ZP3: variants seen among roughly 807,000 people sequenced by gnomAD.
ZP3 encodes the protein zona pellucida sperm-binding protein 3.
In ZP3, 21 loss-of-function variants were observed where a neutral mutation model predicts 35.6. That is an observed-to-expected ratio of 0.59 (90% CI 0.42 to 0.85). The LOEUF is 0.85. ZP3 is among the 40% of genes least tolerant of loss of function. ZP3 has a pLI of 0.00. For synonymous variants in ZP3, 207 were observed against 214.5 expected (o/e 0.96, Z 0.31); for missense variants, 437 against 536.5 (o/e 0.81, Z 1.83).
chr7:76,412,208 G>C (rs529699178), intron 1 of ZP3, among the ~76,000 whole-genome samples: 1 of 148,774 alleles, frequency 6.7e-6, no homozygotes, highest in African/African-American at 2.5e-5. Context: ...AAAAAGAAAA[G>C]AAAAAGATAA....
intron 1 of ZP3, chr7:76,409,844 C>T (rs1467249004): frequency 1.3e-5 from 2 of 151,866 alleles, no homozygotes; most frequent in Admixed American, 6.6e-5. Context: ...GCAGGGCAGC[C>T]AAGCATCCTG....
chr7:76,400,743 A>C, intron 1 of ZP3: 2 of 1,054,380 alleles, frequency 1.9e-6, no homozygotes, highest in Non-Finnish European at 2.6e-6. Flanking sequence ...CCTGGGCTCA[A>C]GTGATCCTCC....
At position 76,424,976 on chromosome 7, in the gene ZP3, C is replaced by CTA. The variant is rs1442112758; in HGVS notation, c.15_16dup (p.Arg6IlefsTer47). On this transcript the variant is annotated frameshift_variant, in exon 1 of 8. Coordinates refer to ENST00000394857, the MANE Select transcript of ZP3 (RefSeq NM_001110354.2). LOFTEE classifies it high-confidence loss of function. Reference sequence around the variant, plus strand: ...GCTCTGCAGGTACCATGGAGCTGAGCTATAGGCTCTTCATCTGCCTCCTGC... The same window carrying CTA: ...GCTCTGCAGGTACCATGGAGCTGAGCTATATAGGCTCTTCATCTGCCTCCTGC... The CTA allele has an allele frequency of 6.5e-7, 1 of 1,541,656 alleles. No individual in the cohort carries two copies. The highest frequency in any genetic ancestry group is 2.0e-5 in the Admixed American group (1 of 50,980).
At chr7:76,422,277 G>A (rs754875639), upstream of ZP3, among the ~76,000 whole-genome samples, 21 of 151,912 alleles carry the variant, frequency 1.4e-4, no homozygotes, top group Admixed American at 3.9e-4. Flanking sequence ...GTTCTGCCCC[G>A]CCCACCTCCC....
chr7:76,433,393 G>T, intron 3 of ZP3, 77 bp from the exon 4 acceptor site: 1 of 1,500,888 alleles, frequency 6.7e-7, no homozygotes, highest in South Asian at 1.3e-5. Context: ...GACCTCAGGT[G>T]ATCCACCTGC....
intron 1 of ZP3, among the ~76,000 whole-genome samples, chr7:76,428,166 A>T (rs1481252963): frequency 7.5e-6 from 1 of 133,494 alleles, no homozygotes; most frequent in Non-Finnish European, 1.6e-5. Context: ...TCTCTATTTA[A>T]AAAAAAAAAA....
At chr7:76,417,535 C>G (rs965779963) in intron 1 of ZP3, among the ~76,000 whole-genome samples, 2 of 152,058 alleles carry the variant, frequency 1.3e-5, no homozygotes, top group African/African-American at 4.8e-5. Flanking sequence ...TGTGATTCCT[C>G]TTATTTTCCA....
intron 2 of ZP3, among the ~76,000 whole-genome samples, chr7:76,431,217 G>C (rs750394671): frequency 6.6e-6 from 1 of 152,196 alleles, no homozygotes; most frequent in African/African-American, 2.4e-5. Context: ...GTGCCTATGT[G>C]GGTAGGGGAG....
In ZP3 at chr7:76,432,939, G is replaced by A; in HGVS notation, c.444G>A (p.Val148=). 1 of 1,614,018 alleles carries A rather than the reference G, an allele frequency of 6.2e-7. No individual in the cohort carries two copies. The highest frequency in any genetic ancestry group is 8.5e-7 in the Non-Finnish European group (1 of 1,179,996). ...IECRYPRQGN[V]SSQAILPTWL... is the part of the protein sequence containing the mutation. ...GTTCTTCTCTCAGGCAGGGCAATGT[G>A]AGCAGCCAGGCCATCCTGCCCACCT... is the stretch of plus-strand genomic sequence containing the variant. The change falls in exon 3 of 8, where the codon GTG becomes GTA. Residue 148 remains valine (V), a synonymous_variant. Transcript: ENST00000394857.
chr7:76,419,769 CCCTCCTCCTCCT>C (rs1193213971), intron 1 of ZP3, among the ~76,000 whole-genome samples: 14 of 142,540 alleles, frequency 9.8e-5, no homozygotes, highest in Non-Finnish European at 4.6e-5. Context: ...TTTCCCCCTC[CCCTCCTCCTCCT>C]CCTCCTCCTC....
chr7:76,400,787 C>T (rs1804797094), intron 1 of ZP3, among the ~76,000 whole-genome samples: 1 of 152,196 alleles, frequency 6.6e-6, no homozygotes, highest in Admixed American at 6.5e-5. Context: ...GGATCACAGA[C>T]GTGCACTACG....
exon 1 of ZP3, chr7:76,397,745 C>T (rs1351137335): frequency 2.5e-6 from 4 of 1,613,254 alleles, no homozygotes; most frequent in Non-Finnish European, 3.4e-6. Flanking sequence ...GTCGTCGTCA[C>T]ACACGGTGCC....
chr7:76,439,882 C>A, intron 5 of ZP3: 2 of 233,806 alleles, frequency 8.6e-6, no homozygotes, highest in Non-Finnish European at 1.7e-5. Flanking sequence ...CAGTCTCACT[C>A]TGTCAGCCAG....
chr7:76,411,013 A>AAAAAAAG (rs1554623386), intron 1 of ZP3, among the ~76,000 whole-genome samples: 5,283 of 130,270 alleles, frequency 0.041, 212 homozygotes, highest in African/African-American at 0.088. Flanking sequence ...AAAAAAAAAA[A>AAAAAAAG]AAAAGAAAAG....
At chr7:76,420,002 A>G (rs1304466592), upstream of ZP3, among the ~76,000 whole-genome samples, 1 of 151,448 alleles carries the variant, frequency 6.6e-6, no homozygotes, top group Non-Finnish European at 1.5e-5. Flanking sequence ...GGGTTTCTCC[A>G]TGTTGGCCAG....
intron 2 of ZP3, among the ~76,000 whole-genome samples, chr7:76,432,587 A>AT (rs929366696): frequency 6.6e-4 from 101 of 152,188 alleles, no homozygotes; most frequent in African/African-American, 2.2e-3. Context: ...AAGTGCTGGG[A>AT]TTACAGGCAT....
chr7:76,414,651 C>T (rs1294788865), intron 1 of ZP3, among the ~76,000 whole-genome samples: 1 of 143,850 alleles, frequency 7.0e-6, no homozygotes, highest in Non-Finnish European at 1.5e-5. Flanking sequence ...ACAGACTCTG[C>T]TTCTACCCCT....
At position 76,416,560 on chromosome 7, in the gene ZP3, A is replaced by C. The variant is rs1347638721; in HGVS notation, c.-66-8492A>C. Among the ~76,000 whole-genome samples, 6 of 151,836 alleles carry C rather than the reference A, an allele frequency of 4.0e-5. No homozygotes were observed. In the East Asian group the frequency reaches 1.2e-3, roughly 29 times the overall value. ...GGTGGCTCATGTCTGTAATCCTAGCACTTTGGGAGGCTGAGGCAAGAGGAT... is the reference window on the plus strand; with the variant it reads ...GGTGGCTCATGTCTGTAATCCTAGCCCTTTGGGAGGCTGAGGCAAGAGGAT... On this transcript the variant is annotated intron_variant, in intron 1 of 8. Coordinates refer to the ZP3 transcript ENST00000336517.
At chr7:76,432,736 G>A (rs183809091) in intron 2 of ZP3, among the ~76,000 whole-genome samples, 191 bp from the exon 3 acceptor site, 66 of 152,302 alleles carry the variant, frequency 4.3e-4, no homozygotes, top group African/African-American at 1.2e-3. Context: ...CCACTCACAG[G>A]TGCAGAAGTT....
Sources: allele counts gnomAD v4.1 joint callset (sites outside exome capture counted in the v4.1 genomes callset), GRCh38; gene constraint gnomAD v4.1.1; transcripts MANE v1.5; gene names NCBI Gene and HGNC (gene_info 2026-07-23, HGNC 2026-07-21).